Variants in IMMP2L observed in about 807,000 individuals in gnomAD.
IMMP2L encodes the protein mitochondrial inner membrane protease subunit 2.
A neutral mutation model predicts 19.3 loss-of-function variants in IMMP2L; 18 were observed. The ratio of observed to expected loss-of-function variants is 0.93; its 90% confidence interval spans 0.64 to 1.38. The LOEUF (loss-of-function observed/expected upper bound fraction) is 1.38, where lower values mean the gene tolerates loss of function less well. Ranked by LOEUF, IMMP2L falls within the 40% of genes most tolerant of loss-of-function variation. The pLI, the probability that IMMP2L is intolerant of heterozygous loss-of-function variation, is 0.00. For synonymous variants in IMMP2L, 76 were observed against 73.0 expected (o/e 1.04, Z -0.21); for missense variants, 233 against 218.2 (o/e 1.07, Z -0.43).
intron 3 of IMMP2L, among the ~76,000 whole-genome samples, chr7:111,202,584 G>A (rs772411781): frequency 9.2e-5 from 14 of 152,102 alleles, no homozygotes; most frequent in Admixed American, 7.9e-4. Context: ...TCTAATGATC[G>A]ACAGTACAGA....
chr7:111,487,261 G>A lies in IMMP2L; in HGVS notation c.216C>T (p.His72=), dbSNP rs765843300. The change falls in exon 3 of 6, where the codon CAC becomes CAT. Residue 72 remains histidine (H), a synonymous_variant. Transcript: ENST00000405709. ...NHWKVRNFEV[H]RGDIVSLVSP... ...ACACCAATGATACAATGTCACCACG[G>A]TGTACTTCAAAATTCCTCACTTTCC... 3 of 1,581,032 alleles carry A rather than the reference G, an allele frequency of 1.9e-6. No individual in the cohort carries two copies. The highest frequency in any genetic ancestry group is 1.7e-5 in the Admixed American group (1 of 59,942).
chr7:110,985,005 AAG>A (rs1165808754), intron 3 of IMMP2L, among the ~76,000 whole-genome samples: 1 of 152,130 alleles, frequency 6.6e-6, no homozygotes, highest in Non-Finnish European at 1.5e-5. Flanking sequence ...GCAGAAAAAA[AAG>A]AGTCAGAGAA....
At chr7:111,111,942 GTTTTTTTTTTTTT>G (rs748410980) in intron 3 of IMMP2L, among the ~76,000 whole-genome samples, 1 of 84,110 alleles carries the variant, frequency 1.2e-5, no homozygotes, top group Non-Finnish European at 2.2e-5. Context: ...TATATAGTTT[GTTTTTTTTTTTTT>G]TTTTTTTTTT....
At chr7:110,781,869 T>C (rs189768710) in intron 5 of IMMP2L, among the ~76,000 whole-genome samples, 2 of 152,106 alleles carry the variant, frequency 1.3e-5, no homozygotes, top group East Asian at 1.9e-4. Context: ...TAAGGTGATA[T>C]GCTATACAGC....
intron 5 of IMMP2L, among the ~76,000 whole-genome samples, chr7:110,830,872 A>C (rs1030331439): frequency 6.6e-6 from 1 of 152,206 alleles, no homozygotes; most frequent in Non-Finnish European, 1.5e-5. Flanking sequence ...CCATTACAGT[A>C]TATGTACAAT....
rs1157248994 is a variant in IMMP2L, at chr7:111,254,972, A to G, written c.239+232266T>C. Among the ~76,000 whole-genome samples the G allele has an allele frequency of 2.6e-5, 4 of 152,136 alleles. No individual in the cohort carries two copies. The East Asian group carries it at 7.7e-4, about 29-fold the overall frequency. On this transcript the variant is annotated intron_variant, in intron 3 of 5. Transcript: ENST00000405709. Reference sequence around the variant, plus strand: ...AAATGTAATTAACATAATGCAGAAAAATGTTTAATTATCCACGATCCTATA... The same window carrying G: ...AAATGTAATTAACATAATGCAGAAAGATGTTTAATTATCCACGATCCTATA...
Position 111,220,560 on chromosome 7 carries a change from C to T in IMMP2L, c.240-256995G>A, listed in dbSNP as rs532678685. 6.0e-5 allele frequency among the ~76,000 whole-genome samples: 9 copies of T among 151,160 alleles called. 1 individual carries two copies. In the East Asian group the frequency reaches 1.8e-3, roughly 29 times the overall value. On this transcript the variant is annotated intron_variant, in intron 3 of 5. Coordinates refer to ENST00000405709, the MANE Select transcript of IMMP2L (RefSeq NM_032549.4). The stretch of plus-strand genomic sequence containing the variant: ...TAAAAAGTTTTCTGTATTACTCAGG[C>T]TTCTCCAGAGAAACATGATGGATGG...
At chr7:111,109,693 T>A (rs1798965193) in intron 3 of IMMP2L, among the ~76,000 whole-genome samples, 1 of 152,132 alleles carries the variant, frequency 6.6e-6, no homozygotes, top group Non-Finnish European at 1.5e-5. Flanking sequence ...CTGACAGGAT[T>A]ATTAGGGGAA....
intron 5 of IMMP2L, among the ~76,000 whole-genome samples, chr7:110,696,411 A>G (rs956088731): frequency 6.8e-6 from 1 of 146,664 alleles, no homozygotes; most frequent in African/African-American, 2.5e-5. Context: ...CTGCACTGAG[A>G]CATTCCTTTT....
intron 3 of IMMP2L, among the ~76,000 whole-genome samples, chr7:111,056,465 T>C (rs1585996542): frequency 6.6e-6 from 1 of 152,236 alleles, no homozygotes; most frequent in Non-Finnish European, 1.5e-5. Context: ...ATCAACATCA[T>C]CAACATCGTT....
At chr7:111,122,011 T>G (rs1215877029) in intron 3 of IMMP2L, among the ~76,000 whole-genome samples, 1 of 143,624 alleles carries the variant, frequency 7.0e-6, no homozygotes, top group Non-Finnish European at 1.5e-5. Context: ...TTCTCACTCA[T>G]AGTTGGGAAC....
intron 3 of IMMP2L, among the ~76,000 whole-genome samples, chr7:111,108,593 T>C (rs760625255): frequency 4.6e-5 from 7 of 152,170 alleles, no homozygotes; most frequent in Non-Finnish European, 7.4e-5. Context: ...AGAGTAGACA[T>C]TGGCTTAGAA....
intron 4 of IMMP2L, 130 bp downstream of exon 4, chr7:110,963,370 T>G: frequency 1.6e-6 from 1 of 642,344 alleles, no homozygotes; most frequent in Non-Finnish European, 2.7e-6. Context: ...TCACTAAAGA[T>G]GTACCAGCTC....
At chr7:111,474,034 A>G (rs746798429) in intron 3 of IMMP2L, among the ~76,000 whole-genome samples, 3 of 152,166 alleles carry the variant, frequency 2.0e-5, no homozygotes, top group Non-Finnish European at 4.4e-5. Context: ...ATGAACGCAG[A>G]TGGAGGCCAT....
chr7:110,777,429 A>G (rs1799462359), intron 5 of IMMP2L, among the ~76,000 whole-genome samples: 1 of 151,992 alleles, frequency 6.6e-6, no homozygotes, highest in Non-Finnish European at 1.5e-5. Context: ...CTACTAATGC[A>G]TATTTCCTAC....
chr7:110,990,591 G>A (rs969189756), intron 3 of IMMP2L, among the ~76,000 whole-genome samples: 5 of 152,280 alleles, frequency 3.3e-5, no homozygotes, highest in African/African-American at 1.2e-4. Context: ...CAGACTGACT[G>A]GTTTTGATTT....
At chr7:111,103,643 A>C (rs1048868968) in intron 3 of IMMP2L, among the ~76,000 whole-genome samples, 1 of 151,728 alleles carries the variant, frequency 6.6e-6, no homozygotes, top group African/African-American at 2.4e-5. Flanking sequence ...TTTAAGTTAC[A>C]GCAAATTCTA....
intron 3 of IMMP2L, among the ~76,000 whole-genome samples, chr7:111,115,519 C>T (rs576428225): frequency 1.3e-5 from 2 of 152,094 alleles, no homozygotes; most frequent in South Asian, 4.1e-4. Context: ...TTCATCCCCC[C>T]CTCTGTAAAA....
At chr7:110,680,470 CAAAAT>C (rs1177355902) in intron 5 of IMMP2L, among the ~76,000 whole-genome samples, 2 of 151,870 alleles carry the variant, frequency 1.3e-5, no homozygotes, top group Non-Finnish European at 2.9e-5. Context: ...TTGTTGAAGA[CAAAAT>C]AAAGCATAAT....
Sources: gnomAD v4.1 joint callset for allele counts (sites outside exome capture counted in the v4.1 genomes callset) on GRCh38, gnomAD v4.1.1 for gene constraint, MANE v1.5 for transcripts, NCBI Gene and HGNC (gene_info 2026-07-23, HGNC 2026-07-21) for gene names.